HDX: variants seen among roughly 807,000 people sequenced by gnomAD.
HDX encodes the protein chromosome X open reading frame 43.
In HDX, 19 loss-of-function variants were observed where a neutral mutation model predicts 45.2. The observed-to-expected ratio is 0.42, with a 90% CI of 0.29 to 0.62. HDX has a LOEUF of 0.62. HDX is among the 20% of genes least tolerant of loss of function. HDX has a pLI of 0.20. For missense variants in HDX, 532 were observed against 493.9 expected, an observed-to-expected ratio of 1.08 and a Z score of -0.73; for synonymous variants, 188 against 172.8, an observed-to-expected ratio of 1.09 and a Z score of -0.69.
chrX:84,478,939 A>C (rs2040611750), intron 2 of HDX, among the ~76,000 whole-genome samples: 1 of 112,176 alleles, frequency 8.9e-6, no homozygotes, highest in Admixed American at 9.5e-5. Context: ...TCTTTCCAAT[A>C]TTAAAAATGT....
rs762035232 is a variant in HDX at position 84,326,295 on chromosome X, T to C, written c.1830A>G (p.Glu610=). Residue 610 remains glutamate, a synonymous_variant, in exon 10 of 11, where the codon GAA becomes GAG. Transcript: ENST00000373177. The part of the protein sequence containing the change: ...QVNSFLDYKN[E]EVKFIENELE... ...GCTCATTTTCAATGAATTTGACTTC[T>C]TCATTCTGAAAGAGAAAATACCAAA... 68 of 1,183,851 alleles carry C rather than the reference T, an allele frequency of 5.7e-5. No individual in the cohort carries two copies. Among genetic ancestry groups the C allele is most frequent in the Non-Finnish European group, 7.2e-5 (63 of 872,134 alleles).
chrX:84,480,577 A>G (rs1278296069), intron 2 of HDX, among the ~76,000 whole-genome samples: 3 of 110,799 alleles, frequency 2.7e-5, no homozygotes, highest in African/African-American at 9.8e-5. Context: ...CCACTAATGG[A>G]TATTGAATTT....
At chrX:84,432,746 G>A (rs1027217451) in intron 5 of HDX, among the ~76,000 whole-genome samples, 2 of 111,044 alleles carry the variant, frequency 1.8e-5, no homozygotes, top group South Asian at 3.8e-4. Context: ...GGTTCTTTAG[G>A]TATAGAACCA....
chrX:84,435,917 C>T (rs2039618334), intron 5 of HDX, among the ~76,000 whole-genome samples: 1 of 83,501 alleles, frequency 1.2e-5, no homozygotes, highest in Non-Finnish European at 2.3e-5. Flanking sequence ...ACCCAGCCAT[C>T]CCATTACTGG....
At chrX:84,364,495 T>A (rs1386214413) in intron 5 of HDX, among the ~76,000 whole-genome samples, 2 of 66,359 alleles carry the variant, frequency 3.0e-5, no homozygotes, top group African/African-American at 1.4e-4. Context: ...ATTCACCTTT[T>A]TTTTTTTTTT....
chrX:84,485,712 T>A (rs1220938844), intron 2 of HDX, among the ~76,000 whole-genome samples: 4 of 112,218 alleles, frequency 3.6e-5, no homozygotes, highest in Non-Finnish European at 7.5e-5. Context: ...TTTTGCTTTA[T>A]GTATTTTGAA....
chrX:84,423,838 T>C (rs2039324895), intron 5 of HDX, among the ~76,000 whole-genome samples: 1 of 111,336 alleles, frequency 9.0e-6, no homozygotes, highest in African/African-American at 3.3e-5. Context: ...ATAAAAGCCA[T>C]ACACAACAGA....
At chrX:84,376,676 A>G (rs1038983859) in intron 5 of HDX, among the ~76,000 whole-genome samples, 4 of 112,221 alleles carry the variant, frequency 3.6e-5, no homozygotes, top group African/African-American at 1.3e-4. Context: ...AAGGGTAGGG[A>G]AAAGTGGGAA....
chrX:84,366,170 G>A (rs973374071), intron 5 of HDX, among the ~76,000 whole-genome samples: 4 of 111,589 alleles, frequency 3.6e-5, no homozygotes, highest in African/African-American at 1.3e-4. Context: ...AAAATCTCAA[G>A]CACTCCTATA....
intron 5 of HDX, among the ~76,000 whole-genome samples, chrX:84,376,112 C>T (rs1006849376): frequency 1.8e-5 from 2 of 112,235 alleles, no homozygotes; most frequent in Non-Finnish European, 3.8e-5. Flanking sequence ...AGCTCCCAGA[C>T]ATTTGTATAC....
chrX:84,394,840 T>C (rs2038522083), intron 5 of HDX, among the ~76,000 whole-genome samples: 2 of 111,025 alleles, frequency 1.8e-5, no homozygotes, highest in South Asian at 7.5e-4. Context: ...TGGTTTCTAT[T>C]TGCATGAAAT....
At chrX:84,374,760 C>G (rs1466707634) in intron 5 of HDX, among the ~76,000 whole-genome samples, 1 of 107,562 alleles carries the variant, frequency 9.3e-6, no homozygotes, top group Non-Finnish European at 1.9e-5. Flanking sequence ...GGATTAAAGA[C>G]TTAAACGTTA....
intron 4 of HDX, among the ~76,000 whole-genome samples, chrX:84,445,023 CAA>C (rs2039842770): frequency 9.0e-6 from 1 of 111,537 alleles, no homozygotes; most frequent in African/African-American, 3.2e-5. Context: ...AGCAAAATAC[CAA>C]GTTTTAAAAA....
At chrX:84,402,109 G>A (rs1040589526) in intron 5 of HDX, among the ~76,000 whole-genome samples, 2 of 111,469 alleles carry the variant, frequency 1.8e-5, no homozygotes, top group African/African-American at 3.3e-5. Context: ...GCTTAAAACC[G>A]AGATGATGGG....
chrX:84,378,382 A>G lies in HDX; in HGVS notation c.1306-16770T>C, dbSNP rs182766121. On this transcript the variant is annotated intron_variant, in intron 5 of 10. Coordinates refer to ENST00000373177, the MANE Select transcript of HDX (RefSeq NM_001177479.2). ...ATAACACCATAACTGTGGAGTATAA[A>G]CTACCCTTATCCTAAGTAGAAAGAC... Among the ~76,000 whole-genome samples, 398 of 111,717 alleles carry G rather than the reference A, an allele frequency of 3.6e-3. 5 individuals carry two copies. The highest frequency in any genetic ancestry group is 9.4e-3 in the Middle Eastern group (2 of 213).
chrX:84,417,805 T>C (rs1425416799), intron 5 of HDX, among the ~76,000 whole-genome samples: 1 of 111,884 alleles, frequency 8.9e-6, no homozygotes, highest in East Asian at 2.8e-4. Flanking sequence ...GAAACTGGCA[T>C]AGTCTGGATG....
rs1217525089 is a variant in HDX at position 84,481,668 on chromosome X, T to G, written c.1-6271A>C. On this transcript the variant is annotated intron_variant, in intron 2 of 10. Transcript: ENST00000373177. The stretch of plus-strand genomic sequence containing the variant: ...GCTTGGACAATTTTTTTTTAATTCT[T>G]AAATTTCAGTGACCACCAAATTTAA... Among the ~76,000 whole-genome samples the G allele has an allele frequency of 3.6e-5, 4 of 111,844 alleles. No homozygotes were observed. The Admixed American group carries it at 3.8e-4, about 11-fold the overall frequency.
At chrX:84,343,697 C>A (rs2037137103) in intron 7 of HDX, among the ~76,000 whole-genome samples, 1 of 111,168 alleles carries the variant, frequency 9.0e-6, no homozygotes, top group Admixed American at 9.6e-5. Context: ...AAACATACTT[C>A]TCATGGACAG....
intron 5 of HDX, among the ~76,000 whole-genome samples, chrX:84,406,497 CACAT>C (rs1332455160): frequency 1.5e-3 from 101 of 66,658 alleles, no homozygotes; most frequent in Admixed American, 3.7e-3. Context: ...CACACACACA[CACAT>C]ACACACACAC....
Sources: gnomAD v4.1 joint callset for allele counts (sites outside exome capture counted in the v4.1 genomes callset) on GRCh38, gnomAD v4.1.1 for gene constraint, MANE v1.5 for transcripts, NCBI Gene and HGNC (gene_info 2026-07-23, HGNC 2026-07-21) for gene names.